Variants in DACH1 observed in about 807,000 individuals in gnomAD.
The protein encoded by DACH1 is dachshund family transcription factor 1, also known as dachshund homolog 1.
A neutral mutation model predicts 54.2 loss-of-function variants in DACH1; 12 were observed. The observed-to-expected ratio is 0.22, with a 90% confidence interval of 0.14 to 0.36. The LOEUF is 0.36. Among genes scored for constraint, DACH1 ranks in the 10% least tolerant of loss-of-function variants. DACH1 has a pLI of 1.00. For missense variants in DACH1, 805 were observed against 929.8 expected (o/e 0.87, Z 1.75); for synonymous variants, 386 against 366.2 (o/e 1.05, Z -0.62).
intron 1 of DACH1, among the ~76,000 whole-genome samples, chr13:71,689,865 A>G (rs1881385565): frequency 6.6e-6 from 1 of 152,142 alleles, no homozygotes. Flanking sequence ...TCGCCCCTAA[A>G]GCTTCTAAGT....
intron 3 of DACH1, among the ~76,000 whole-genome samples, chr13:71,592,494 C>CAAAAAAAAAAAAAAAAAAAAAAAAAAA (rs575364116): frequency 6.4e-4 from 21 of 32,786 alleles, no homozygotes; most frequent in African/African-American, 1.3e-3. Context: ...GACTCTATCT[C>CAAAAAAAAAAAAAAAAAAAAAAAAAAA]AAAAAAAAAA....
Position 71,724,845 on chromosome 13 carries a change from A to G in DACH1, c.849-42935T>C, listed in dbSNP as rs113212035. On this transcript the variant is annotated intron_variant, in intron 1 of 10. Coordinates refer to ENST00000613252, the MANE Select transcript of DACH1 (RefSeq NM_080759.6). ...ACTTTAGAGGAATAAAAACATTCAAATATTTGGCAGTCTCAAACACTCGTC... is the reference window on the plus strand; with the variant it reads ...ACTTTAGAGGAATAAAAACATTCAAGTATTTGGCAGTCTCAAACACTCGTC... Among the ~76,000 whole-genome samples the G allele has an allele frequency of 5.3e-5, 8 of 152,264 alleles. 1 individual carries two copies. The highest frequency in any genetic ancestry group is 1.9e-4 in the African/African-American group (8 of 41,592).
At chr13:71,506,637 A>G (rs1014033388) in intron 6 of DACH1, among the ~76,000 whole-genome samples, 6 of 152,138 alleles carry the variant, frequency 3.9e-5, no homozygotes, top group African/African-American at 1.2e-4. Flanking sequence ...GAGGCATCAC[A>G]CTACCTGACT....
chr13:71,737,438 G>T (rs1884187042), intron 1 of DACH1, among the ~76,000 whole-genome samples: 1 of 152,148 alleles, frequency 6.6e-6, no homozygotes, highest in Non-Finnish European at 1.5e-5. Context: ...AACAGCCAAA[G>T]CACTAAAGCC....
intron 1 of DACH1, among the ~76,000 whole-genome samples, chr13:71,807,000 G>C (rs979485685): frequency 6.6e-6 from 1 of 152,140 alleles, no homozygotes; most frequent in Non-Finnish European, 1.5e-5. Flanking sequence ...TTGCACACAA[G>C]GGAAGTAAAT....
intron 1 of DACH1, among the ~76,000 whole-genome samples, chr13:71,712,690 T>G (rs888394482): frequency 1.4e-4 from 22 of 152,134 alleles, no homozygotes; most frequent in Non-Finnish European, 1.2e-4. Context: ...ACAAAAATTT[T>G]TTTAATGAAA....
intron 1 of DACH1, among the ~76,000 whole-genome samples, chr13:71,744,338 G>C (rs1436604562): frequency 6.6e-6 from 1 of 152,142 alleles, no homozygotes; most frequent in Non-Finnish European, 1.5e-5. Flanking sequence ...TTCTGCATTG[G>C]TTAGCTTATG....
At chr13:71,480,320 A>G (rs1877918846) in intron 7 of DACH1, among the ~76,000 whole-genome samples, 1 of 152,234 alleles carries the variant, frequency 6.6e-6, no homozygotes, top group African/African-American at 2.4e-5. Context: ...ATGATTAGAC[A>G]GCATAATAAT....
At chr13:71,451,943 A>T (rs980585967) in intron 10 of DACH1, among the ~76,000 whole-genome samples, 2 of 152,190 alleles carry the variant, frequency 1.3e-5, no homozygotes, top group African/African-American at 2.4e-5. Flanking sequence ...GATGATAGGT[A>T]AAGGCCCATA....
intron 1 of DACH1, among the ~76,000 whole-genome samples, chr13:71,753,135 T>C (rs2137983753): frequency 1.3e-5 from 2 of 152,290 alleles, no homozygotes; most frequent in South Asian, 4.1e-4. Flanking sequence ...ACTGCAAATA[T>C]TGTAGTGACT....
chr13:71,546,162 T>A (rs1883452364), intron 6 of DACH1, among the ~76,000 whole-genome samples: 1 of 152,072 alleles, frequency 6.6e-6, no homozygotes, highest in Non-Finnish European at 1.5e-5. Context: ...GCAATAAAAT[T>A]TTTTTAAATC....
At chr13:71,654,305 G>A (rs1175616004) in intron 2 of DACH1, among the ~76,000 whole-genome samples, 3 of 151,114 alleles carry the variant, frequency 2.0e-5, no homozygotes, top group African/African-American at 7.3e-5. Context: ...CAGGAGAATC[G>A]CTTGAACCCA....
At chr13:71,582,924 T>C (rs1872951755) in intron 3 of DACH1, among the ~76,000 whole-genome samples, 1 of 152,154 alleles carries the variant, frequency 6.6e-6, no homozygotes, top group East Asian at 1.9e-4. Flanking sequence ...TATACTCCAA[T>C]TTGGGGAAAA....
At chr13:71,770,447 T>C (rs1885806489) in intron 1 of DACH1, among the ~76,000 whole-genome samples, 1 of 151,668 alleles carries the variant, frequency 6.6e-6, no homozygotes. Context: ...ATTCTGCTAG[T>C]CTTAAATCAT....
rs554854357 is a variant in DACH1, at chr13:71,464,208, T to A, written c.2083+10933A>T. Among the ~76,000 whole-genome samples the A allele has an allele frequency of 3.3e-5, 5 of 152,024 alleles. No homozygotes were observed. In the South Asian group the frequency reaches 1.0e-3, roughly 32 times the overall value. On this transcript the variant is annotated intron_variant, in intron 10 of 10. Transcript: ENST00000613252. ...CTCTAATTGCCCAGTATTTCAGCCATAAAAATAACATTGTCATTAAAAAAA... is the reference window on the plus strand; with the variant it reads ...CTCTAATTGCCCAGTATTTCAGCCAAAAAAATAACATTGTCATTAAAAAAA...
At chr13:71,595,857 T>C (rs1793590401) in intron 3 of DACH1, among the ~76,000 whole-genome samples, 4 of 152,102 alleles carry the variant, frequency 2.6e-5, no homozygotes, top group Non-Finnish European at 5.9e-5. Context: ...CTCTAAATAC[T>C]ATCACATTGA....
At chr13:71,466,498 C>T (rs1359372257) in intron 10 of DACH1, among the ~76,000 whole-genome samples, 2 of 152,116 alleles carry the variant, frequency 1.3e-5, no homozygotes, top group East Asian at 3.9e-4. Context: ...AGTAATTTAT[C>T]TCCCGAACTC....
intron 6 of DACH1, among the ~76,000 whole-genome samples, chr13:71,554,895 G>T (rs1312872385): frequency 6.6e-6 from 1 of 152,234 alleles, no homozygotes; most frequent in Non-Finnish European, 1.5e-5. Flanking sequence ...AAAAGGAATA[G>T]TTATGAAAAA....
chr13:71,816,928 G>A (rs1445815842), intron 1 of DACH1, among the ~76,000 whole-genome samples: 2 of 151,948 alleles, frequency 1.3e-5, no homozygotes, highest in African/African-American at 4.8e-5. Flanking sequence ...GGTGGGAGGA[G>A]GTAGAGGATC....
Sources: allele counts gnomAD v4.1 joint callset (sites outside exome capture counted in the v4.1 genomes callset), GRCh38; gene constraint gnomAD v4.1.1; transcripts MANE v1.5; gene names NCBI Gene and HGNC (gene_info 2026-07-23, HGNC 2026-07-21).